Variants in CLTCL1 observed in about 807,000 individuals in gnomAD.
CLTCL1 encodes the protein clathrin heavy chain like 1, also known as clathrin heavy chain 2.
A neutral mutation model predicts 190.0 loss-of-function variants in CLTCL1; 159 were observed. The ratio of observed to expected loss-of-function variants is 0.84; its 90% confidence interval spans 0.74 to 0.95. The LOEUF is 0.95. Ranked by LOEUF, CLTCL1 falls within the 40% of genes least tolerant of loss-of-function variation. The probability of loss-of-function intolerance (pLI) is 0.00; values close to 1 mark genes in which losing one functional copy is unlikely to be tolerated. For synonymous variants in CLTCL1, 752 were observed against 769.6 expected (o/e 0.98, Z 0.38); for missense variants, 1,878 against 2,033.4 (o/e 0.92, Z 1.47).
rs2084071187 is a variant in CLTCL1 at position 19,179,938 on chromosome 22, G to C, written c.*52C>G. 1 of 535,144 alleles carries C rather than the reference G, an allele frequency of 1.9e-6. No individual in the cohort carries two copies. The highest frequency in any genetic ancestry group is 2.2e-5 in the South Asian group (1 of 45,122). The allele number at this position is 535,144 out of a possible 1,614,324, so 33.1% of individuals were successfully genotyped here. A position where few individuals can be genotyped will look rare whatever the true frequency, so the allele number is the denominator to read the frequency against. On this transcript the variant is annotated 3_prime_UTR_variant, in exon 33 of 33. Coordinates refer to ENST00000427926, the MANE Select transcript of CLTCL1 (RefSeq NM_007098.4). ...TGGGAGCAGAGGCATATCCATAGGG[G>C]AAGCTGGCAGGGGCTGGGCCCACGG...
intron 3 of CLTCL1, among the ~76,000 whole-genome samples, chr22:19,245,186 C>CTTTTT (rs1194266137): frequency 2.0e-4 from 24 of 118,838 alleles, no homozygotes; most frequent in South Asian, 2.8e-4. Flanking sequence ...TCTCCCCCTC[C>CTTTTT]TTTTTTTTTT....
chr22:19,215,466 T>C (rs2085352503), intron 19 of CLTCL1, among the ~76,000 whole-genome samples: 2 of 152,170 alleles, frequency 1.3e-5, no homozygotes, highest in African/African-American at 2.4e-5. Context: ...GCACGCACTC[T>C]TACCTCTATG....
chr22:19,213,560 G>C (rs1427715520), intron 19 of CLTCL1, among the ~76,000 whole-genome samples: 3 of 152,154 alleles, frequency 2.0e-5, no homozygotes, highest in Non-Finnish European at 2.9e-5. Flanking sequence ...AGATCCTGTG[G>C]TACATTCGTA....
intron 9 of CLTCL1, 65 bp downstream of exon 9, chr22:19,233,101 A>G: frequency 6.5e-7 from 1 of 1,540,674 alleles, no homozygotes; most frequent in Non-Finnish European, 8.8e-7. Context: ...ATAAACTTTA[A>G]AATCAGCAAC....
chr22:19,273,079 T>A (rs1555981500), intron 2 of CLTCL1, among the ~76,000 whole-genome samples: 2 of 152,170 alleles, frequency 1.3e-5, no homozygotes, highest in African/African-American at 4.8e-5. Context: ...CTGCACTGGA[T>A]CCTAGAAGCT....
chr22:19,222,660 G>A (rs1555953230), intron 15 of CLTCL1, 24 bp downstream of exon 15: 2 of 1,581,528 alleles, frequency 1.3e-6, no homozygotes, highest in Admixed American at 1.8e-5. Flanking sequence ...GCAGCCGGGT[G>A]TCACTCCAGG....
At chr22:19,201,298 ACT>A (rs1429682703) in intron 23 of CLTCL1, 29 bp downstream of exon 23, 5 of 1,587,308 alleles carry the variant, frequency 3.1e-6, no homozygotes, top group Non-Finnish European at 4.3e-6. Flanking sequence ...TGTCCAGCAC[ACT>A]CTGCCGTCTG....
intron 22 of CLTCL1, chr22:19,207,595 C>T (rs1555943480): frequency 2.5e-6 from 1 of 405,342 alleles, no homozygotes; most frequent in Non-Finnish European, 4.3e-6. Flanking sequence ...ATGCCACGGA[C>T]CGCTGCTGGT....
At chr22:19,270,020 C>T (rs2087256717) in intron 2 of CLTCL1, among the ~76,000 whole-genome samples, 1 of 151,286 alleles carries the variant, frequency 6.6e-6, no homozygotes, top group South Asian at 2.1e-4. Flanking sequence ...TGTCAGTGAG[C>T]ATTGATAGCA....
intron 1 of CLTCL1, among the ~76,000 whole-genome samples, chr22:19,284,938 G>C (rs1238311795): frequency 2.0e-5 from 3 of 151,896 alleles, no homozygotes; most frequent in Non-Finnish European, 4.4e-5. Context: ...CTGGTGGACA[G>C]AGCGAGACTC....
chr22:19,289,508 A>G (rs1437593947), intron 1 of CLTCL1, among the ~76,000 whole-genome samples: 2 of 152,232 alleles, frequency 1.3e-5, no homozygotes, highest in Non-Finnish European at 2.9e-5. Flanking sequence ...ACTGTGGAAC[A>G]TAAAAATAAT....
At chr22:19,235,669 A>T in intron 6 of CLTCL1, 27 bp downstream of exon 6, 1 of 1,599,024 alleles carries the variant, frequency 6.3e-7, no homozygotes, top group Non-Finnish European at 8.5e-7. Context: ...TGGAAAAGGT[A>T]GAAAATGAAA....
chr22:19,285,535 G>A (rs1171370978), intron 1 of CLTCL1, among the ~76,000 whole-genome samples: 1 of 152,150 alleles, frequency 6.6e-6, no homozygotes, highest in East Asian at 1.9e-4. Flanking sequence ...CCAGTTAAAT[G>A]TCAACTAGCT....
Position 19,235,697 on chromosome 22 carries a change from T to G in CLTCL1, c.968A>C (p.Gln323Pro), listed in dbSNP as rs1350701272. ...SGIIGVNKKG[Q>P]VLSVCVEEDN... ...AAATGAAATGTCAGAGTTACACACC[T>G]GTCCCTTTTTGTTGACACCAATAAT... The change falls in exon 6 of 33, where the codon CAG (glutamine) becomes CCG (proline). Residue 323 changes from glutamine (Q) to proline (P), a missense_variant and splice_region_variant. Coordinates refer to ENST00000427926, the MANE Select transcript of CLTCL1 (RefSeq NM_007098.4). 6.2e-7 allele frequency: 1 copy of G among 1,612,350 alleles called. No homozygotes were observed. Among genetic ancestry groups the G allele is most frequent in the East Asian group, 2.2e-5 (1 of 44,878 alleles).
At chr22:19,240,718 A>G (rs950983152) in intron 4 of CLTCL1, among the ~76,000 whole-genome samples, 3 of 152,242 alleles carry the variant, frequency 2.0e-5, no homozygotes, top group Non-Finnish European at 4.4e-5. Flanking sequence ...GGCTTAGTGT[A>G]CCACAAAAGG....
intron 22 of CLTCL1, among the ~76,000 whole-genome samples, chr22:19,206,785 G>A (rs185543256): frequency 6.6e-6 from 1 of 151,994 alleles, no homozygotes; most frequent in East Asian, 1.9e-4. Context: ...CCTCCAAGAA[G>A]TGCACTTGTA....
intron 1 of CLTCL1, among the ~76,000 whole-genome samples, chr22:19,276,915 G>A (rs532589603): frequency 4.6e-5 from 7 of 152,014 alleles, no homozygotes; most frequent in South Asian, 4.2e-4. Context: ...CTCGTGATCC[G>A]CCCTCCTTGG....
At chr22:19,185,329 T>TC (rs1460386540) in intron 29 of CLTCL1, among the ~76,000 whole-genome samples, 1 of 150,586 alleles carries the variant, frequency 6.6e-6, no homozygotes. Flanking sequence ...CCACTTTCTT[T>TC]TTTTTTTTTT....
intron 1 of CLTCL1, 23 bp downstream of exon 1, chr22:19,291,577 C>A (rs1196877541): frequency 1.5e-6 from 2 of 1,353,292 alleles, no homozygotes; most frequent in Non-Finnish European, 9.6e-7. Context: ...GACAGGGCAG[C>A]CCCCCAGCCC....
Sources: allele counts gnomAD v4.1 joint callset (sites outside exome capture counted in the v4.1 genomes callset), GRCh38; gene constraint gnomAD v4.1.1; transcripts MANE v1.5; gene names NCBI Gene and HGNC (gene_info 2026-07-23, HGNC 2026-07-21).